Variants in SLC25A23 observed in about 807,000 individuals in gnomAD.
SLC25A23 encodes the protein solute carrier family 25 member 23, also known as mitochondrial adenyl nucleotide antiporter SLC25A23.
Under a neutral mutation model 53.9 loss-of-function variants are expected in SLC25A23, and 32 were observed. The ratio of observed to expected loss-of-function variants is 0.59; its 90% CI spans 0.45 to 0.80. The LOEUF is 0.80. SLC25A23 is among the 30% of genes least tolerant of loss of function. The pLI, the probability that SLC25A23 is intolerant of heterozygous loss-of-function variation, is 0.00. For synonymous variants in SLC25A23, 275 were observed against 264.5 expected (o/e 1.04, Z -0.38); for missense variants, 575 against 651.4 (o/e 0.88, Z 1.28).
chr19:6,439,393 TCTCTCTCACACACA>T (rs1169862721), downstream of SLC25A23, among the ~76,000 whole-genome samples: 2,091 of 129,442 alleles, frequency 0.016, 51 homozygotes, highest in African/African-American at 0.071. Flanking sequence ...TATCTCTCTC[TCTCTCTCACACACA>T]CACACACACA....
downstream of SLC25A23, among the ~76,000 whole-genome samples, chr19:6,436,851 TA>T (rs1334743225): frequency 2.6e-5 from 4 of 151,478 alleles, no homozygotes; most frequent in African/African-American, 9.7e-5. Flanking sequence ...CCCAATCTTT[TA>T]TTTTTTTATT....
At chr19:6,450,796 T>C (rs988953825) in intron 8 of SLC25A23, among the ~76,000 whole-genome samples, 1 of 151,940 alleles carries the variant, frequency 6.6e-6, no homozygotes, top group East Asian at 1.9e-4. Flanking sequence ...TCAAAAATTA[T>C]TGGCCAGGTG....
intron 9 of SLC25A23, among the ~76,000 whole-genome samples, chr19:6,442,846 C>T (rs573324609): frequency 9.9e-5 from 15 of 151,838 alleles, no homozygotes; most frequent in Non-Finnish European, 1.9e-4. Flanking sequence ...CCACCACACC[C>T]GGCCCTTGAA....
chr19:6,456,216 C>G (rs1599344933), intron 4 of SLC25A23: 5 of 1,071,914 alleles, frequency 4.7e-6, no homozygotes, highest in African/African-American at 1.6e-5. Flanking sequence ...GCGCTTCAAT[C>G]AGACAGCAGA....
In SLC25A23 at chr19:6,455,707, G is replaced by GTTTTTTTTTTTTTTT. The variant is rs529957147; in HGVS notation, c.483+698_483+712dup. ...TCCCATTGGATCCTCTGAAGACCGT[G>GTTTTTTTTTTTTTTT]TTTTTTTTTTTTTTTTTTTTTTTTT... On this transcript the variant is annotated intron_variant, in intron 4 of 9. Coordinates refer to ENST00000301454, the MANE Select transcript of SLC25A23 (RefSeq NM_024103.3). Among the ~76,000 whole-genome samples the GTTTTTTTTTTTTTTT allele has an allele frequency of 4.0e-5, 5 of 124,950 alleles. 1 individual carries two copies. Among genetic ancestry groups the GTTTTTTTTTTTTTTT allele is most frequent in the African/African-American group, 1.5e-4 (5 of 32,634 alleles). The allele number at this position is 124,950 out of a possible 152,430, so 82.0% of individuals were successfully genotyped here.
At chr19:6,456,375 G>A (rs2092682446) in intron 4 of SLC25A23, 45 bp downstream of exon 4, 1 of 1,578,256 alleles carries the variant, frequency 6.3e-7, no homozygotes, top group Non-Finnish European at 8.7e-7. Flanking sequence ...CCCCCCTGGG[G>A]AAGAGGGCAC....
intron 8 of SLC25A23, among the ~76,000 whole-genome samples, chr19:6,449,240 T>C (rs1599316682): frequency 6.6e-6 from 1 of 150,780 alleles, no homozygotes; most frequent in African/African-American, 2.5e-5. Context: ...GTCTTCTTTC[T>C]GTCTTTCTTT....
chr19:6,451,740 C>G (rs2092594561), intron 8 of SLC25A23, among the ~76,000 whole-genome samples: 1 of 151,916 alleles, frequency 6.6e-6, no homozygotes, highest in Non-Finnish European at 1.5e-5. Flanking sequence ...AATGGGCAGG[C>G]CCTGAAGATG....
Position 6,441,963 on chromosome 19 carries a change from G to C in SLC25A23, c.*12C>G. 6.2e-7 allele frequency: 1 copy of C among 1,612,462 alleles called. No individual in the cohort carries two copies. The highest frequency in any genetic ancestry group is 8.5e-7 in the Non-Finnish European group (1 of 1,179,400). ...GGGGGGTGAGGGATTGGGGGGACGGGCTCCGGGTCCCTCACCTGGACGTGA... is the reference window on the plus strand; with the variant it reads ...GGGGGGTGAGGGATTGGGGGGACGGCCTCCGGGTCCCTCACCTGGACGTGA... On this transcript the variant is annotated 3_prime_UTR_variant, in exon 10 of 10. Transcript: ENST00000301454.
chr19:6,439,060 GAAAC>G (rs2144726691), downstream of SLC25A23, among the ~76,000 whole-genome samples: 1 of 150,836 alleles, frequency 6.6e-6, no homozygotes, highest in East Asian at 2.0e-4. Flanking sequence ...AGCAAGCACA[GAAAC>G]AAACAAAAAG....
At position 6,440,354 on chromosome 19, in the gene SLC25A23, T is replaced by C. The variant is rs113007336; in HGVS notation, c.*1621A>G. ...TGAATTTGGGGATTTGGTGGTTTTT[T>C]TTTGTTTTTGTTTTTTGCATCATTG... is the stretch of plus-strand genomic sequence containing the variant. On this transcript the variant is annotated 3_prime_UTR_variant, in exon 10 of 10. Coordinates refer to ENST00000301454, the MANE Select transcript of SLC25A23 (RefSeq NM_024103.3). 2,805 of 152,632 alleles carry C rather than the reference T, an allele frequency of 0.018. 36 individuals are homozygous for C. The highest frequency in any genetic ancestry group is 0.038 in the South Asian group (183 of 4,822). The allele number at this position is 152,632 out of a possible 1,614,324, so 9.5% of individuals were successfully genotyped here.
At chr19:6,451,281 C>T (rs561772406) in intron 8 of SLC25A23, among the ~76,000 whole-genome samples, 8 of 151,620 alleles carry the variant, frequency 5.3e-5, no homozygotes, top group South Asian at 2.1e-4. Flanking sequence ...CCCAGCTACT[C>T]GGGAGACTGA....
chr19:6,448,103 G>A (rs1391228365), intron 8 of SLC25A23, among the ~76,000 whole-genome samples: 1 of 152,198 alleles, frequency 6.6e-6, no homozygotes, highest in Non-Finnish European at 1.5e-5. Flanking sequence ...ACTTTAGGGT[G>A]GCTAATCCCT....
Position 6,444,714 on chromosome 19 carries a change from C to T in SLC25A23, c.1072-413G>A, listed in dbSNP as rs183147576. 2.6e-5 allele frequency among the ~76,000 whole-genome samples: 4 copies of T among 152,192 alleles called. No individual in the cohort carries two copies. In the East Asian group the frequency reaches 7.7e-4, roughly 29 times the overall value. On this transcript the variant is annotated intron_variant, in intron 8 of 9. Transcript: ENST00000301454. ...ATGAAGTCTTGCTCTGTTGCCCAGG[C>T]TGGAGTGCAGTGGTGTGATCTTGGC...
At chr19:6,456,596 G>A in intron 3 of SLC25A23, 65 bp from the exon 4 acceptor site, 4 of 1,303,394 alleles carry the variant, frequency 3.1e-6, no homozygotes, top group Non-Finnish European at 4.4e-6. Flanking sequence ...AGGCTGGGGT[G>A]AAGTTCTGCT....
chr19:6,459,488 G>C lies in SLC25A23; in HGVS notation c.141C>G (p.Asp47Glu), dbSNP rs2092730829. 4 of 1,592,060 alleles carry C rather than the reference G, an allele frequency of 2.5e-6. No homozygotes were observed. The highest frequency in any genetic ancestry group is 1.4e-5 in the African/African-American group (1 of 74,044). Reference protein sequence around the residue: ...GLARLGGGNPDPGAQQGISSE... With the variant: ...GLARLGGGNPEPGAQQGISSE... ...GTGGGGGTACCTGTTGGGCGCCGGG[G>C]TCTGGGTTGCCCCCGCCCAGCCTGG... Residue 47 changes from aspartate (D) to glutamate (E), a missense_variant, in exon 1 of 10, where the codon GAC (aspartate) becomes GAG (glutamate). By Grantham distance (45) the Asp-to-Glu change is conservative (BLOSUM62 2). Transcript: ENST00000301454. The surrounding 1 kb of genome is among the most constrained non-coding windows in gnomAD (Gnocchi z 4.6).
chr19:6,458,419 C>A, intron 1 of SLC25A23, 95 bp from the exon 2 acceptor site: 1 of 1,409,914 alleles, frequency 7.1e-7, no homozygotes, highest in South Asian at 1.4e-5. Flanking sequence ...CCCAGAGCCC[C>A]CAGCGCCTTG....
chr19:6,459,385 T>A lies in SLC25A23; in HGVS notation c.156+88A>T. 8.5e-7 allele frequency: 1 copy of A among 1,178,516 alleles called. No individual in the cohort carries two copies. The highest frequency in any genetic ancestry group is 3.0e-5 in the East Asian group (1 of 33,122). The allele number at this position is 1,178,516 out of a possible 1,614,324, so 73.0% of individuals were successfully genotyped here. On this transcript the variant is annotated intron_variant, in intron 1 of 9. Transcript: ENST00000301454. The surrounding 1 kb of genome is among the most constrained non-coding windows in gnomAD (Gnocchi z 4.6). The stretch of plus-strand genomic sequence containing the variant: ...CTGGAGTCCAGCCACAGGTAGTCCC[T>A]GGTGGCTCCGGCCGCCCAGTTCAGG...
At chr19:6,453,123 T>A (rs1487646183) in intron 7 of SLC25A23, among the ~76,000 whole-genome samples, 1 of 152,168 alleles carries the variant, frequency 6.6e-6, no homozygotes, top group Non-Finnish European at 1.5e-5. Context: ...GCAGCCACAT[T>A]GGTCCATGAG....
Sources: gnomAD v4.1 joint callset for allele counts (sites outside exome capture counted in the v4.1 genomes callset) on GRCh38, gnomAD v4.1.1 for gene constraint, Gnocchi (gnomAD v3.1) non-coding constraint, MANE v1.5 for transcripts, NCBI Gene and HGNC (gene_info 2026-07-23, HGNC 2026-07-21) for gene names.